The following DENND4A variants were observed in gnomAD, a reference collection of about 807,000 sequenced individuals.
The protein encoded by DENND4A is C-myc promoter-binding protein.
In DENND4A, 70 loss-of-function variants were observed where a neutral mutation model predicts 199.3. That is an observed-to-expected ratio of 0.35 (90% CI 0.29 to 0.43). DENND4A has a LOEUF of 0.43. Among genes scored for constraint, DENND4A ranks in the 20% least tolerant of loss-of-function variants. The pLI, the probability that DENND4A is intolerant of heterozygous loss-of-function variation, is 1.00. For synonymous variants in DENND4A, 686 were observed against 766.9 expected (o/e 0.89, Z 1.74); for missense variants, 1,723 against 2,255.8 (o/e 0.76, Z 4.78).
At chr15:65,668,205 TCTCTC>T (rs1487236101) in intron 27 of DENND4A, 82 bp from the exon 28 acceptor site, 2 of 888,750 alleles carry the variant, frequency 2.3e-6, no homozygotes, top group South Asian at 1.9e-5. Context: ...TCTCTCTCTC[TCTCTC>T]TTTTTTTTTT....
chr15:65,784,215 A>G (rs2077507075), intron 1 of DENND4A, among the ~76,000 whole-genome samples: 1 of 152,198 alleles, frequency 6.6e-6, no homozygotes. Context: ...AAGTCATCAA[A>G]AACAAGGAAA....
chr15:65,700,225 C>T (rs1403934153), intron 20 of DENND4A, among the ~76,000 whole-genome samples: 4 of 151,886 alleles, frequency 2.6e-5, no homozygotes, highest in Non-Finnish European at 5.9e-5. Context: ...ATATCATTTT[C>T]ATAATTTCAA....
At chr15:65,664,504 CA>C in intron 31 of DENND4A, 55 bp downstream of exon 31, 2 of 1,567,156 alleles carry the variant, frequency 1.3e-6, no homozygotes, top group Non-Finnish European at 1.7e-6. Context: ...AATTACTAAG[CA>C]AACAATATGA....
rs2076508630 is a variant in DENND4A at position 65,679,765 on chromosome 15, T to C, written c.4180-3131A>G. On this transcript the variant is annotated intron_variant, in intron 23 of 32. Transcript: ENST00000443035. ...GCTAGTCTTGAACTCAGACCTTCCC[T>C]TGAATGACAGAGCTCAATGTTAGCA... Among the ~76,000 whole-genome samples the C allele has an allele frequency of 1.3e-5, 2 of 151,944 alleles. 1 individual carries two copies. Among genetic ancestry groups the C allele is most frequent in the South Asian group, 4.2e-4 (2 of 4,810 alleles).
chr15:65,748,788 C>A (rs113063665), intron 4 of DENND4A, among the ~76,000 whole-genome samples: 2 of 151,682 alleles, frequency 1.3e-5, no homozygotes, highest in East Asian at 3.9e-4. Context: ...GAGTTCAAGA[C>A]GAGCCGGGGG....
At chr15:65,773,586 A>G (rs1377651448) in intron 1 of DENND4A, among the ~76,000 whole-genome samples, 1 of 152,202 alleles carries the variant, frequency 6.6e-6, no homozygotes, top group Non-Finnish European at 1.5e-5. Context: ...AGCACAATGG[A>G]TATCACCTTT....
intron 29 of DENND4A, among the ~76,000 whole-genome samples, chr15:65,665,744 C>A (rs1292763943): frequency 1.3e-5 from 2 of 152,186 alleles, no homozygotes; most frequent in African/African-American, 4.8e-5. Context: ...TTGAAAGTCA[C>A]AGAAAGATAA....
chr15:65,694,359 G>C (rs1314545881), intron 22 of DENND4A, among the ~76,000 whole-genome samples: 6 of 151,818 alleles, frequency 4.0e-5, no homozygotes, highest in Non-Finnish European at 7.4e-5. Context: ...TGAGACATGA[G>C]AATTGCTTGA....
chr15:65,785,380 C>T (rs2077540173), intron 1 of DENND4A, among the ~76,000 whole-genome samples: 2 of 149,842 alleles, frequency 1.3e-5, no homozygotes, highest in Non-Finnish European at 3.0e-5. Context: ...GTACCAGCTA[C>T]TCGGGAGGCT....
intron 1 of DENND4A, among the ~76,000 whole-genome samples, chr15:65,774,868 CTTTTT>C (rs397854207): frequency 8.9e-6 from 1 of 112,062 alleles, no homozygotes; most frequent in African/African-American, 3.4e-5. Context: ...CAAATGTTTA[CTTTTT>C]TTTTTTTTTT....
intron 23 of DENND4A, among the ~76,000 whole-genome samples, chr15:65,690,200 T>C (rs1241323698): frequency 6.6e-6 from 1 of 152,228 alleles, no homozygotes; most frequent in Non-Finnish European, 1.5e-5. Context: ...CAAATCACTC[T>C]TTCAAAACTG....
chr15:65,702,014 A>G (rs1596473065), intron 17 of DENND4A, 124 bp from the exon 18 acceptor site: 2 of 1,368,824 alleles, frequency 1.5e-6, no homozygotes, highest in Non-Finnish European at 2.0e-6. Context: ...TGTAATTCCA[A>G]CATTTTGGGA....
chr15:65,729,357 A>ATC, intron 10 of DENND4A, 110 bp from the exon 11 acceptor site: 1 of 1,379,994 alleles, frequency 7.2e-7, no homozygotes, highest in Non-Finnish European at 1.0e-6. Context: ...CTAATGCCTG[A>ATC]TAATGAATGA....
intron 3 of DENND4A, among the ~76,000 whole-genome samples, chr15:65,754,986 C>T (rs931095836): frequency 6.6e-6 from 1 of 152,014 alleles, no homozygotes; most frequent in Non-Finnish European, 1.5e-5. Flanking sequence ...TTTATAATAG[C>T]CAAGAAGTGG....
chr15:65,690,112 G>GA (rs1403336656), intron 23 of DENND4A, among the ~76,000 whole-genome samples: 1 of 151,860 alleles, frequency 6.6e-6, no homozygotes, highest in African/African-American at 2.4e-5. Flanking sequence ...ACATTATCTG[G>GA]AAAAAAAATC....
chr15:65,670,643 T>C (rs1385538389), intron 25 of DENND4A, among the ~76,000 whole-genome samples: 5 of 152,172 alleles, frequency 3.3e-5, no homozygotes, highest in African/African-American at 1.2e-4. Flanking sequence ...TGCAGTAACA[T>C]CTAAGTGTGT....
intron 24 of DENND4A, among the ~76,000 whole-genome samples, chr15:65,675,582 A>T (rs1011134838): frequency 6.6e-6 from 1 of 152,152 alleles, no homozygotes; most frequent in Non-Finnish European, 1.5e-5. Context: ...AAAAGGACCA[A>T]CAATTAAACT....
chr15:65,724,056 CT>C (rs2075728689), intron 11 of DENND4A, among the ~76,000 whole-genome samples: 1 of 151,508 alleles, frequency 6.6e-6, no homozygotes, highest in African/African-American at 2.4e-5. Flanking sequence ...AATGACTCCA[CT>C]TTAAAAAAAA....
In DENND4A at chr15:65,752,635, A is replaced by T; in HGVS notation, c.312-7T>A. 1 of 1,466,514 alleles carries T rather than the reference A, an allele frequency of 6.8e-7. No individual in the cohort carries two copies. The highest frequency in any genetic ancestry group is 9.2e-7 in the Non-Finnish European group (1 of 1,089,738). 90.8% of individuals were successfully genotyped at this position (1,466,514 alleles called of 1,614,324 possible). On this transcript the variant is annotated splice_region_variant and splice_polypyrimidine_tract_variant and intron_variant, in intron 3 of 32. Transcript: ENST00000443035. ...TTTCCAGTCATATAAAACCCTAAAA[A>T]TAAATTTTTAAAAATAAATACACAA...
Sources: gnomAD v4.1 joint callset for allele counts (sites outside exome capture counted in the v4.1 genomes callset) on GRCh38, gnomAD v4.1.1 for gene constraint, MANE v1.5 for transcripts, NCBI Gene and HGNC (gene_info 2026-07-23, HGNC 2026-07-21) for gene names.